Variants in DGKB observed in about 807,000 individuals in gnomAD.
DGKB encodes 90 kDa diacylglycerol kinase.
Under a neutral mutation model 114.3 loss-of-function variants are expected in DGKB, and 67 were observed. The ratio of observed to expected loss-of-function variants is 0.59; its 90% CI spans 0.48 to 0.72. The LOEUF is 0.72. DGKB is among the 30% of genes least tolerant of loss of function. The pLI, the probability that DGKB is intolerant of heterozygous loss-of-function variation, is 0.00. For missense variants in DGKB, 907 were observed against 975.2 expected, an observed-to-expected ratio of 0.93 and a Z score of 0.93; for synonymous variants, 398 against 323.1, an observed-to-expected ratio of 1.23 and a Z score of -2.49.
intron 21 of DGKB, among the ~76,000 whole-genome samples, chr7:14,470,383 A>T (rs1443418776): frequency 6.6e-6 from 1 of 151,896 alleles, no homozygotes. Context: ...TACATTTTTA[A>T]ATGAAAAAAA....
At chr7:14,943,637 A>AAC (rs563726736) in intron 1 of DGKB, among the ~76,000 whole-genome samples, 169 of 151,582 alleles carry the variant, frequency 1.1e-3, no homozygotes, top group African/African-American at 3.9e-3. Flanking sequence ...TTTGAAGTGA[A>AAC]ACACACACAC....
chr7:14,173,649 TG>T (rs1246730070), intron 25 of DGKB, among the ~76,000 whole-genome samples: 14 of 152,206 alleles, frequency 9.2e-5, no homozygotes, highest in African/African-American at 3.4e-4. Context: ...AGAAAAATAT[TG>T]GGTTATTCAA....
intron 21 of DGKB, among the ~76,000 whole-genome samples, chr7:14,364,056 C>T (rs533020244): frequency 2.0e-4 from 31 of 151,926 alleles, no homozygotes; most frequent in Non-Finnish European, 4.3e-4. Flanking sequence ...TGGCCACCGA[C>T]TTTATTGACT....
intron 2 of DGKB, among the ~76,000 whole-genome samples, chr7:14,793,946 G>C (rs180841348): frequency 6.6e-6 from 1 of 152,156 alleles, no homozygotes; most frequent in Non-Finnish European, 1.5e-5. Context: ...GCTTCTTTTT[G>C]CTTCCTGCCT....
chr7:14,329,884 C>T (rs919702557), intron 23 of DGKB, among the ~76,000 whole-genome samples: 1 of 151,928 alleles, frequency 6.6e-6, no homozygotes, highest in African/African-American at 2.4e-5. Context: ...TATATGTCTA[C>T]CACTGGGTAC....
intron 2 of DGKB, among the ~76,000 whole-genome samples, chr7:14,827,938 G>C (rs139885450): frequency 6.6e-6 from 1 of 152,128 alleles, no homozygotes; most frequent in East Asian, 1.9e-4. Flanking sequence ...AATGTGAAAT[G>C]TGGGAGGCTG....
intron 2 of DGKB, among the ~76,000 whole-genome samples, chr7:14,765,461 A>G (rs1346403755): frequency 2.0e-5 from 3 of 152,016 alleles, no homozygotes; most frequent in African/African-American, 7.2e-5. Flanking sequence ...TCTCCTTTTC[A>G]TATTTATTAT....
At chr7:14,261,818 A>G in intron 23 of DGKB, among the ~76,000 whole-genome samples, 1 of 152,214 alleles carries the variant, frequency 6.6e-6, no homozygotes, top group East Asian at 1.9e-4. Context: ...TTCTTTTACG[A>G]CTAGACACAA....
At chr7:14,573,835 G>C (rs993458205) in intron 20 of DGKB, among the ~76,000 whole-genome samples, 1 of 151,904 alleles carries the variant, frequency 6.6e-6, no homozygotes, top group African/African-American at 2.4e-5. Context: ...CTCAAAGTAA[G>C]ATAAAATTTA....
At chr7:14,849,054 G>T (rs1849004990) in intron 1 of DGKB, among the ~76,000 whole-genome samples, 1 of 151,982 alleles carries the variant, frequency 6.6e-6, no homozygotes, top group South Asian at 2.1e-4. Context: ...TCCTAGTGAA[G>T]AATCCCACAT....
chr7:14,217,725 A>T (rs750362028), intron 23 of DGKB, among the ~76,000 whole-genome samples: 1 of 152,014 alleles, frequency 6.6e-6, no homozygotes, highest in Non-Finnish European at 1.5e-5. Context: ...TTCCACATGG[A>T]GCTCAAACTA....
chr7:14,238,414 T>A (rs1395172379), intron 23 of DGKB, among the ~76,000 whole-genome samples: 1 of 151,958 alleles, frequency 6.6e-6, no homozygotes, highest in Non-Finnish European at 1.5e-5. Flanking sequence ...GAATGGTGAG[T>A]TAATTAACTT....
intron 22 of DGKB, among the ~76,000 whole-genome samples, chr7:14,340,543 T>C (rs1194848411): frequency 1.3e-5 from 2 of 151,562 alleles, no homozygotes; most frequent in East Asian, 1.9e-4. Context: ...TCATTCCTTA[T>C]AATTTGCAGC....
chr7:14,616,851 G>A (rs947939067), intron 15 of DGKB, among the ~76,000 whole-genome samples: 22 of 151,850 alleles, frequency 1.4e-4, no homozygotes, highest in African/African-American at 5.3e-4. Context: ...GATGAAGAGA[G>A]AAAGTGTCTA....
At chr7:14,436,025 A>G (rs1829191433) in intron 21 of DGKB, among the ~76,000 whole-genome samples, 1 of 152,066 alleles carries the variant, frequency 6.6e-6, no homozygotes, top group Non-Finnish European at 1.5e-5. Context: ...TTCAAATGGA[A>G]TCTAATGCCT....
At chr7:14,814,999 A>T (rs1237068306) in intron 2 of DGKB, among the ~76,000 whole-genome samples, 1 of 152,170 alleles carries the variant, frequency 6.6e-6, no homozygotes, top group Middle Eastern at 3.2e-3. Flanking sequence ...TTTTTCTAAT[A>T]GTTAATCCTT....
In DGKB at chr7:14,832,583, T is replaced by G. The variant is rs147425562; in HGVS notation, c.70+8611A>C. Among the ~76,000 whole-genome samples the G allele has an allele frequency of 4.8e-3, 725 of 152,214 alleles. 8 individuals are homozygous for G. Among genetic ancestry groups the G allele is most frequent in the African/African-American group, 0.016 (683 of 41,576 alleles). On this transcript the variant is annotated intron_variant, in intron 2 of 25. Coordinates refer to ENST00000402815, the MANE Select transcript of DGKB (RefSeq NM_001350709.2). ...TAAATGATAAAGACTCGGGATGCGT[T>G]TTGGTTATTATCTCAAGTTCAATCT...
chr7:14,204,902 G>GAAAC (rs1295199957), intron 23 of DGKB, among the ~76,000 whole-genome samples: 1 of 151,916 alleles, frequency 6.6e-6, no homozygotes, highest in Non-Finnish European at 1.5e-5. Context: ...TTTTTATTTG[G>GAAAC]AAACACTTTA....
At chr7:14,593,503 A>C (rs1176389652) in intron 17 of DGKB, among the ~76,000 whole-genome samples, 1 of 152,028 alleles carries the variant, frequency 6.6e-6, no homozygotes, top group Non-Finnish European at 1.5e-5. Flanking sequence ...AGAAACACTA[A>C]TATTTAGTTG....
Sources: allele counts gnomAD v4.1 joint callset (sites outside exome capture counted in the v4.1 genomes callset), GRCh38; gene constraint gnomAD v4.1.1; transcripts MANE v1.5; gene names NCBI Gene and HGNC (gene_info 2026-07-23, HGNC 2026-07-21).